The following EFHC2 variants were observed in gnomAD, a reference collection of about 807,000 sequenced individuals.
The protein encoded by EFHC2 is EF-hand domain-containing family member C2.
EFHC2 carries 18 observed loss-of-function variants against 52.7 expected under a neutral mutation model. That is an observed-to-expected ratio of 0.34 (90% CI 0.24 to 0.51). The LOEUF is 0.51. Ranked by LOEUF, EFHC2 falls within the 20% of genes least tolerant of loss-of-function variation. The probability of loss-of-function intolerance (pLI) is 0.97; values close to 1 mark genes in which losing one functional copy is unlikely to be tolerated. For synonymous variants in EFHC2, 203 were observed against 204.1 expected (o/e 0.99, Z 0.04); for missense variants, 513 against 562.5 (o/e 0.91, Z 0.89).
chrX:44,174,785 T>C (rs2036773402), intron 13 of EFHC2, among the ~76,000 whole-genome samples: 1 of 111,210 alleles, frequency 9.0e-6, no homozygotes, highest in Non-Finnish European at 1.9e-5. Context: ...GTCCAAGGCC[T>C]GCCTACTTCA....
chrX:44,343,615 T>A lies in EFHC2; in HGVS notation c.-27A>T. The A allele has an allele frequency of 8.7e-7, 1 of 1,153,001 alleles. No individual in the cohort carries two copies. The highest frequency in any genetic ancestry group is 2.6e-5 in the Admixed American group (1 of 38,624). On this transcript the variant is annotated 5_prime_UTR_variant, in exon 1 of 15. Coordinates refer to ENST00000420999, the MANE Select transcript of EFHC2 (RefSeq NM_025184.4). Reference sequence around the variant, plus strand: ...GCGCTCAGTGTCCGAAAATCCAGGGTCCCAGAAGAGAGGGCCCGGCAGGCA... The same window carrying A: ...GCGCTCAGTGTCCGAAAATCCAGGGACCCAGAAGAGAGGGCCCGGCAGGCA...
At position 44,312,627 on chromosome X, in the gene EFHC2, T is replaced by A. The variant is rs758562557; in HGVS notation, c.172A>T (p.Ser58Cys). 6 of 1,208,820 alleles carry A rather than the reference T, an allele frequency of 5.0e-6. No individual in the cohort carries two copies. Among genetic ancestry groups the A allele is most frequent in the Non-Finnish European group, 5.6e-6 (5 of 894,617 alleles). Residue 58 changes from serine to cysteine, a missense_variant, in exon 2 of 15, where the codon AGC (serine) becomes TGC (cysteine). Transcript: ENST00000420999. ...CTTCCATCTCCTTTAGGATATATGC[T>A]ACATTTAGGCTTTATCTTTTGCCCC... ...LLGQKIKPKC[S>C]IYPKGDGSDV...
At chrX:44,319,071 C>A (rs1469668172) in intron 1 of EFHC2, among the ~76,000 whole-genome samples, 1 of 106,378 alleles carries the variant, frequency 9.4e-6, no homozygotes, top group Non-Finnish European at 1.9e-5. Flanking sequence ...TGACGTGATC[C>A]CAGCTCACTG....
intron 4 of EFHC2, 80 bp downstream of exon 4, chrX:44,260,995 G>C: frequency 1.2e-6 from 1 of 824,269 alleles, no homozygotes; most frequent in South Asian, 2.5e-5. Context: ...ATCTGCATCA[G>C]GAGTACAAAC....
In EFHC2 at chrX:44,310,846, T is replaced by G. The variant is rs1409198541; in HGVS notation, c.231+1722A>C. ...AAAATTATTCCAGATTCATGAAATA[T>G]TCTACATAAGTAATTAAAGGCCTGC... On this transcript the variant is annotated intron_variant, in intron 2 of 14. Transcript: ENST00000420999. Among the ~76,000 whole-genome samples the G allele has an allele frequency of 7.1e-5, 8 of 112,130 alleles. 1 individual carries two copies. Among genetic ancestry groups the G allele is most frequent in the African/African-American group, 9.7e-5 (3 of 30,868 alleles).
chrX:44,178,169 A>ACAC, intron 12 of EFHC2, among the ~76,000 whole-genome samples, 198 bp downstream of exon 12: 1 of 107,432 alleles, frequency 9.3e-6, no homozygotes, highest in East Asian at 2.9e-4. Context: ...ACACACACAC[A>ACAC]AGCTCTCCAT....
At chrX:44,280,870 C>T (rs1011177058) in intron 2 of EFHC2, among the ~76,000 whole-genome samples, 1 of 111,919 alleles carries the variant, frequency 8.9e-6, no homozygotes, top group African/African-American at 3.2e-5. Flanking sequence ...GATAAGCAGA[C>T]TAAAATAACT....
chrX:44,275,221 A>C (rs28671539), intron 2 of EFHC2, among the ~76,000 whole-genome samples: 2,193 of 111,794 alleles, frequency 0.02, 22 homozygotes, highest in Middle Eastern at 0.042. Context: ...AATTGAAATA[A>C]AGAGAAAAGG....
At chrX:44,221,342 C>T (rs772965220) in intron 11 of EFHC2, among the ~76,000 whole-genome samples, 4 of 111,215 alleles carry the variant, frequency 3.6e-5, no homozygotes, top group Non-Finnish European at 7.6e-5. Context: ...ACAAAATAAG[C>T]GTATAAAGGC....
intron 11 of EFHC2, among the ~76,000 whole-genome samples, chrX:44,195,453 T>G (rs7054644): frequency 6.4e-5 from 7 of 109,065 alleles, no homozygotes; most frequent in Non-Finnish European, 9.6e-5. Context: ...TGTTTTTTTG[T>G]TTTTTTGCGT....
intron 13 of EFHC2, among the ~76,000 whole-genome samples, chrX:44,169,676 A>G (rs6417888): frequency 0.49 from 53,159 of 108,240 alleles, 10,239 homozygotes; most frequent in African/African-American, 0.67. Flanking sequence ...CAAACTAGAA[A>G]AGCCTATAGG....
intron 1 of EFHC2, among the ~76,000 whole-genome samples, chrX:44,329,080 C>G (rs1377456013): frequency 9.0e-6 from 1 of 111,682 alleles, no homozygotes; most frequent in Non-Finnish European, 1.9e-5. Flanking sequence ...GGTAACACCT[C>G]CAGGCTTCCT....
At chrX:44,259,041 A>G (rs1395746507) in intron 4 of EFHC2, among the ~76,000 whole-genome samples, 2 of 111,161 alleles carry the variant, frequency 1.8e-5, no homozygotes, top group East Asian at 2.8e-4. Flanking sequence ...CAGCAATCCC[A>G]TTACTGGGTA....
chrX:44,150,239 T>C (rs2036559491), intron 14 of EFHC2, among the ~76,000 whole-genome samples: 1 of 112,118 alleles, frequency 8.9e-6, no homozygotes, highest in African/African-American at 3.2e-5. Flanking sequence ...TGATGGAATT[T>C]TGGAAGCAAG....
At chrX:44,256,359 T>C (rs1158495425) in intron 4 of EFHC2, among the ~76,000 whole-genome samples, 1 of 111,361 alleles carries the variant, frequency 9.0e-6, no homozygotes, top group Non-Finnish European at 1.9e-5. Flanking sequence ...GGAGGTGGTT[T>C]TTTGAAAAGA....
chrX:44,328,714 GA>G (rs1292825138), intron 1 of EFHC2, among the ~76,000 whole-genome samples: 1 of 111,561 alleles, frequency 9.0e-6, no homozygotes, highest in African/African-American at 3.3e-5. Context: ...TTTAGCCTCT[GA>G]TTGGTTGCTT....
At chrX:44,190,800 A>G (rs1007837738) in intron 11 of EFHC2, among the ~76,000 whole-genome samples, 1 of 110,271 alleles carries the variant, frequency 9.1e-6, no homozygotes, top group African/African-American at 3.3e-5. Flanking sequence ...CTCACATCCC[A>G]AAGCTGTGCA....
chrX:44,313,887 G>A (rs1293676705), intron 1 of EFHC2, among the ~76,000 whole-genome samples: 2 of 111,104 alleles, frequency 1.8e-5, no homozygotes, highest in Admixed American at 9.6e-5. Flanking sequence ...CCTGGGAGGC[G>A]GAGGTTGCAG....
At chrX:44,306,064 T>C (rs12013926) in intron 2 of EFHC2, among the ~76,000 whole-genome samples, 14,991 of 110,464 alleles carry the variant, frequency 0.14, 780 homozygotes, top group Admixed American at 0.2. Flanking sequence ...AAAGAGATCG[T>C]GCTCTGGTGT....
Sources: gnomAD v4.1 joint callset for allele counts (sites outside exome capture counted in the v4.1 genomes callset) on GRCh38, gnomAD v4.1.1 for gene constraint, MANE v1.5 for transcripts, NCBI Gene and HGNC (gene_info 2026-07-23, HGNC 2026-07-21) for gene names.